Variants in RSU1 observed in about 807,000 individuals in gnomAD.
RSU1 encodes the protein Ras suppressor protein 1, also known as rsu-1.
A neutral mutation model predicts 31.1 loss-of-function variants in RSU1; 26 were observed. The ratio of observed to expected loss-of-function variants is 0.84; its 90% CI spans 0.61 to 1.16. The LOEUF is 1.16. Among genes scored for constraint, RSU1 ranks in the 50% most tolerant of loss-of-function variants. The pLI is 0.00. For missense variants in RSU1, 320 were observed against 339.1 expected (o/e 0.94, Z 0.44); for synonymous variants, 164 against 136.3 (o/e 1.20, Z -1.41).
chr10:16,654,680 C>CAAA, intron 8 of RSU1, among the ~76,000 whole-genome samples: 1 of 111,978 alleles, frequency 8.9e-6, no homozygotes, highest in South Asian at 2.5e-4. Context: ...AAAACAAAAA[C>CAAA]AAAAAAAAAA....
At chr10:16,711,614 A>C (rs1836020533) in intron 7 of RSU1, among the ~76,000 whole-genome samples, 1 of 152,162 alleles carries the variant, frequency 6.6e-6, no homozygotes, top group Non-Finnish European at 1.5e-5. Flanking sequence ...TCTCAAAGCA[A>C]TTTTTCATTT....
chr10:16,741,978 G>T (rs1836764092), intron 7 of RSU1, among the ~76,000 whole-genome samples: 3 of 152,062 alleles, frequency 2.0e-5, no homozygotes, highest in Admixed American at 2.0e-4. Flanking sequence ...AAACTGAACT[G>T]ATTACAGAAA....
chr10:16,611,281 G>T (rs1350197405), intron 8 of RSU1, among the ~76,000 whole-genome samples: 1 of 152,186 alleles, frequency 6.6e-6, no homozygotes, highest in African/African-American at 2.4e-5. Flanking sequence ...CTGCAGGGAA[G>T]TCTCCAGAAT....
rs115702444 is a variant in RSU1 at position 16,649,144 on chromosome 10, A to G, written c.731+45879T>C. On this transcript the variant is annotated intron_variant, in intron 8 of 8. Transcript: ENST00000345264. ...TTTTAATTTATTTTTTGAACCATCA[A>G]TGCAGTCTTAACTTAAAAAGGTTTT... is the stretch of plus-strand genomic sequence containing the variant. 3.4e-3 allele frequency among the ~76,000 whole-genome samples: 514 copies of G among 152,314 alleles called. 6 individuals carry two copies. Among genetic ancestry groups the G allele is most frequent in the African/African-American group, 0.012 (498 of 41,570 alleles).
chr10:16,741,518 T>A lies in RSU1; in HGVS notation c.598+11021A>T, dbSNP rs929564827. Among the ~76,000 whole-genome samples the A allele has an allele frequency of 1.8e-4, 28 of 152,136 alleles. 1 individual carries two copies. Among genetic ancestry groups the A allele is most frequent in the Middle Eastern group, 3.2e-3 (1 of 316 alleles). On this transcript the variant is annotated intron_variant, in intron 7 of 8. Coordinates refer to ENST00000345264, the MANE Select transcript of RSU1 (RefSeq NM_012425.4). Reference sequence around the variant, plus strand: ...CACTTAGAATGTATGAATTGTGTGGTATGAGCTGCAAAAATATTCAGGTGA... The same window carrying A: ...CACTTAGAATGTATGAATTGTGTGGAATGAGCTGCAAAAATATTCAGGTGA...
chr10:16,778,018 C>CTTT (rs10685188), intron 3 of RSU1, among the ~76,000 whole-genome samples: 3,011 of 117,626 alleles, frequency 0.026, 253 homozygotes, highest in African/African-American at 0.1. Context: ...GGTCATATAC[C>CTTT]TTTTTTTTTT....
intron 7 of RSU1, among the ~76,000 whole-genome samples, chr10:16,706,162 GA>G (rs1835897177): frequency 6.6e-6 from 1 of 152,190 alleles, no homozygotes; most frequent in Non-Finnish European, 1.5e-5. Flanking sequence ...ACTCAGAAGT[GA>G]AACTGCTGGG....
chr10:16,731,584 C>A (rs994002401), intron 7 of RSU1, among the ~76,000 whole-genome samples: 7 of 152,154 alleles, frequency 4.6e-5, no homozygotes, highest in African/African-American at 1.7e-4. Flanking sequence ...AAAAATGGGT[C>A]TAGAATTAAC....
chr10:16,721,883 A>G (rs10732931), intron 7 of RSU1, among the ~76,000 whole-genome samples: 65,392 of 151,944 alleles, frequency 0.43, 15,022 homozygotes, highest in East Asian at 0.58. Context: ...TTACCTTACT[A>G]AGGGATTAAA....
At chr10:16,598,225 C>G (rs1833654127) in intron 8 of RSU1, among the ~76,000 whole-genome samples, 1 of 152,132 alleles carries the variant, frequency 6.6e-6, no homozygotes, top group Admixed American at 6.5e-5. Flanking sequence ...TCAGTGTCAT[C>G]AAAAGGGTCC....
chr10:16,610,854 C>T (rs890498252), intron 8 of RSU1, among the ~76,000 whole-genome samples: 9 of 152,096 alleles, frequency 5.9e-5, no homozygotes, highest in African/African-American at 1.9e-4. Flanking sequence ...CTGCTGGTTT[C>T]GAGTAAGGAA....
chr10:16,766,116 C>T (rs1837308766), intron 3 of RSU1, among the ~76,000 whole-genome samples: 3 of 152,234 alleles, frequency 2.0e-5, no homozygotes, highest in Admixed American at 6.5e-5. Context: ...GATGCTTTCA[C>T]TGGAAGAAGG....
chr10:16,781,302 C>T (rs1837644134), intron 3 of RSU1, among the ~76,000 whole-genome samples: 1 of 152,052 alleles, frequency 6.6e-6, no homozygotes, highest in Admixed American at 6.6e-5. Context: ...TAAAAATAGG[C>T]ATTCATCTAT....
At chr10:16,637,659 C>A (rs1005278729) in intron 8 of RSU1, among the ~76,000 whole-genome samples, 3 of 152,000 alleles carry the variant, frequency 2.0e-5, no homozygotes, top group African/African-American at 7.3e-5. Flanking sequence ...AGGGAACACA[C>A]AGATAATCAT....
chr10:16,738,943 T>C (rs894918273), intron 7 of RSU1, among the ~76,000 whole-genome samples: 3 of 151,012 alleles, frequency 2.0e-5, no homozygotes, highest in Admixed American at 6.6e-5. Flanking sequence ...CTCCCACTTA[T>C]GAACGAGAAC....
chr10:16,639,243 C>T lies in RSU1; in HGVS notation c.732-45747G>A, dbSNP rs934297951. ...GTGACTCCGGCCTATTAAACAATAA[C>T]GTATTAATCCATAAAGCTGAAAGCA... is the stretch of plus-strand genomic sequence containing the variant. On this transcript the variant is annotated intron_variant, in intron 8 of 8. Transcript: ENST00000345264. 2.6e-5 allele frequency among the ~76,000 whole-genome samples: 4 copies of T among 152,268 alleles called. No homozygotes were observed. The Middle Eastern group carries it at 0.01, about 388-fold the overall frequency.
chr10:16,695,358 AAAGG>A (rs1466088289), intron 7 of RSU1, among the ~76,000 whole-genome samples: 1 of 152,210 alleles, frequency 6.6e-6, no homozygotes, highest in African/African-American at 2.4e-5. Flanking sequence ...AATTAAGAAC[AAAGG>A]AAGGAAGAAA....
chr10:16,626,786 TC>T (rs1330174915), intron 8 of RSU1, among the ~76,000 whole-genome samples: 1 of 152,154 alleles, frequency 6.6e-6, no homozygotes, highest in Non-Finnish European at 1.5e-5. Context: ...ATGATCGATC[TC>T]ATGTATGGGG....
chr10:16,618,420 A>T (rs1479154694), intron 8 of RSU1, among the ~76,000 whole-genome samples: 1 of 152,242 alleles, frequency 6.6e-6, no homozygotes, highest in Non-Finnish European at 1.5e-5. Context: ...CAGTGTGGCG[A>T]TTCCTCAAGG....
Sources: gnomAD v4.1 joint callset for allele counts (sites outside exome capture counted in the v4.1 genomes callset) on GRCh38, gnomAD v4.1.1 for gene constraint, MANE v1.5 for transcripts, NCBI Gene and HGNC (gene_info 2026-07-23, HGNC 2026-07-21) for gene names.